HBS1L: variants seen among roughly 807,000 people sequenced by gnomAD.
The protein encoded by HBS1L is HBS1-like protein.
HBS1L carries 55 observed loss-of-function variants against 88.9 expected under a neutral mutation model. The ratio of observed to expected loss-of-function variants is 0.62; its 90% confidence interval spans 0.50 to 0.77. HBS1L has a LOEUF of 0.77. Ranked by LOEUF, HBS1L falls within the 30% of genes least tolerant of loss-of-function variation. HBS1L has a pLI of 0.00. For missense variants in HBS1L, 741 were observed against 829.3 expected, an observed-to-expected ratio of 0.89 and a Z score of 1.31; for synonymous variants, 267 against 288.5, an observed-to-expected ratio of 0.93 and a Z score of 0.76.
chr6:135,013,224 C>T (rs1173467940), intron 4 of HBS1L, among the ~76,000 whole-genome samples: 1 of 152,148 alleles, frequency 6.6e-6, no homozygotes, highest in Non-Finnish European at 1.5e-5. Flanking sequence ...ATTAAATGAG[C>T]CAATACATGT....
At chr6:134,997,069 A>C in intron 6 of HBS1L, 127 bp from the exon 7 acceptor site, 1 of 725,662 alleles carries the variant, frequency 1.4e-6, no homozygotes, top group Non-Finnish European at 2.3e-6. Flanking sequence ...TTATCAAATG[A>C]CAGTTAAAAC....
At position 134,986,414 on chromosome 6, in the gene HBS1L, C is replaced by T. The variant is rs114096296; in HGVS notation, c.1306-231G>A. On this transcript the variant is annotated intron_variant, in intron 10 of 17. Coordinates refer to ENST00000367837, the MANE Select transcript of HBS1L (RefSeq NM_006620.4). Reference sequence around the variant, plus strand: ...ACATTCAAGCATTTGGTAACAAAGGCATACTACAGATGCTTGCTGGACAAA... The same window carrying T: ...ACATTCAAGCATTTGGTAACAAAGGTATACTACAGATGCTTGCTGGACAAA... 4.6e-3 allele frequency among the ~76,000 whole-genome samples: 697 copies of T among 152,182 alleles called. 5 individuals carry two copies. Among genetic ancestry groups the T allele is most frequent in the African/African-American group, 0.016 (668 of 41,556 alleles).
At chr6:135,041,340 GCAT>G (rs1372661153) in intron 3 of HBS1L, among the ~76,000 whole-genome samples, 1 of 151,648 alleles carries the variant, frequency 6.6e-6, no homozygotes, top group Non-Finnish European at 1.5e-5. Flanking sequence ...TAGCTAGCTA[GCAT>G]CAGGGCCTCC....
chr6:135,020,556 A>G (rs1776043111), intron 4 of HBS1L, among the ~76,000 whole-genome samples: 1 of 152,050 alleles, frequency 6.6e-6, no homozygotes, highest in Non-Finnish European at 1.5e-5. Flanking sequence ...ACTTCAATAC[A>G]AATACAAAAT....
chr6:135,030,570 C>G (rs558330177), intron 4 of HBS1L, among the ~76,000 whole-genome samples: 1 of 152,082 alleles, frequency 6.6e-6, no homozygotes, highest in Non-Finnish European at 1.5e-5. Flanking sequence ...GTTTAGAAAA[C>G]TTATTCTGGC....
chr6:135,036,973 A>T, intron 4 of HBS1L: 1 of 1,551,430 alleles, frequency 6.4e-7, no homozygotes, highest in South Asian at 1.2e-5. Flanking sequence ...GTTTTTTATA[A>T]GGACACTAAG....
In HBS1L at chr6:134,962,343, G is replaced by A. The variant is rs1445058515; in HGVS notation, c.*2936C>T. On this transcript the variant is annotated 3_prime_UTR_variant, in exon 18 of 18. Coordinates refer to ENST00000367837, the MANE Select transcript of HBS1L (RefSeq NM_006620.4). Reference sequence around the variant, plus strand: ...CAACTATGTAAAAAAATGCATTGGAGAGACAGAAAAGAAATACATGAAAAC... The same window carrying A: ...CAACTATGTAAAAAAATGCATTGGAAAGACAGAAAAGAAATACATGAAAAC... 5 of 152,158 alleles carry A rather than the reference G, an allele frequency of 3.3e-5. No individual in the cohort carries two copies. The highest frequency in any genetic ancestry group is 1.2e-4 in the African/African-American group (5 of 41,430). 9.4% of individuals were successfully genotyped at this position (152,158 alleles called of 1,614,324 possible). A position where few individuals can be genotyped will look rare whatever the true frequency, so the allele number is the denominator to read the frequency against.
chr6:135,001,165 A>C (rs973836278), intron 5 of HBS1L, among the ~76,000 whole-genome samples: 23 of 152,236 alleles, frequency 1.5e-4, no homozygotes, highest in Non-Finnish European at 2.6e-4. Context: ...GATTCTGAGC[A>C]ATAAATATTT....
chr6:135,052,131 A>G (rs1777105054), intron 1 of HBS1L, among the ~76,000 whole-genome samples: 1 of 152,246 alleles, frequency 6.6e-6, no homozygotes, highest in African/African-American at 2.4e-5. Context: ...CAGGAACAGC[A>G]TGCTCAAAGG....
At chr6:134,996,547 TTTTG>T (rs1775293096) in intron 7 of HBS1L, among the ~76,000 whole-genome samples, 2 of 151,936 alleles carry the variant, frequency 1.3e-5, no homozygotes, top group South Asian at 4.1e-4. Flanking sequence ...ATGGCTTTTA[TTTTG>T]TTTCTTTTAA....
chr6:135,052,194 C>CA (rs1470929546), intron 1 of HBS1L, among the ~76,000 whole-genome samples: 1 of 152,052 alleles, frequency 6.6e-6, no homozygotes, highest in Non-Finnish European at 1.5e-5. Context: ...TACTATTGGG[C>CA]AAAAACATAT....
At chr6:134,997,779 C>T in intron 5 of HBS1L, 123 bp from the exon 6 acceptor site, 1 of 880,084 alleles carries the variant, frequency 1.1e-6, no homozygotes, top group Non-Finnish European at 1.8e-6. Context: ...ATAATCTCTG[C>T]TAAGTAGCTA....
intron 13 of HBS1L, among the ~76,000 whole-genome samples, chr6:134,981,007 T>C (rs1332848795): frequency 6.6e-6 from 1 of 151,840 alleles, no homozygotes; most frequent in African/African-American, 2.4e-5. Context: ...CTGATAAGAC[T>C]TACACTGATA....
At chr6:135,011,306 G>A (rs914189111) in intron 4 of HBS1L, among the ~76,000 whole-genome samples, 2 of 152,146 alleles carry the variant, frequency 1.3e-5, no homozygotes, top group African/African-American at 4.8e-5. Context: ...CTTAAGGCCA[G>A]GAGTTCAAAA....
chr6:134,982,021 T>C (rs1400973516), intron 13 of HBS1L, among the ~76,000 whole-genome samples: 1 of 152,070 alleles, frequency 6.6e-6, no homozygotes, highest in Non-Finnish European at 1.5e-5. Context: ...ATAAACATGA[T>C]CAAAGCTGTT....
rs548321348 is a variant in HBS1L at position 134,986,268 on chromosome 6, T to A, written c.1306-85A>T. On this transcript the variant is annotated intron_variant, in intron 10 of 17. Transcript: ENST00000367837. ...CACCATTACCATAACTGCACCAAGT[T>A]TGCAAAAGCAACAATGTACTTTTTA... 8.2e-5 allele frequency: 59 copies of A among 717,670 alleles called. No homozygotes were observed. In the African/African-American group the frequency reaches 1.0e-3, roughly 12 times the overall value. 44.5% of individuals were successfully genotyped at this position (717,670 alleles called of 1,614,324 possible).
intron 4 of HBS1L, among the ~76,000 whole-genome samples, chr6:135,023,258 C>T (rs1404608879): frequency 6.6e-6 from 1 of 152,096 alleles, no homozygotes; most frequent in Non-Finnish European, 1.5e-5. Flanking sequence ...TCCTGGCTAA[C>T]ACGGTGAAAC....
intron 16 of HBS1L, among the ~76,000 whole-genome samples, chr6:134,968,858 G>A (rs925286903): frequency 6.6e-6 from 1 of 152,084 alleles, no homozygotes; most frequent in East Asian, 1.9e-4. Flanking sequence ...TTATTAAGGA[G>A]GTGACAAGAA....
chr6:135,051,376 G>A (rs1033561983), intron 1 of HBS1L, among the ~76,000 whole-genome samples: 11 of 152,124 alleles, frequency 7.2e-5, no homozygotes, highest in African/African-American at 2.4e-4. Flanking sequence ...GATCATGAAA[G>A]TAGTATTTCT....
Sources: allele counts gnomAD v4.1 joint callset (sites outside exome capture counted in the v4.1 genomes callset), GRCh38; gene constraint gnomAD v4.1.1; transcripts MANE v1.5; gene names NCBI Gene and HGNC (gene_info 2026-07-23, HGNC 2026-07-21).